Variants in ATRIP observed in about 807,000 individuals in gnomAD.
The protein encoded by ATRIP is ATR interacting protein, also known as ATR-interacting protein.
Under a neutral mutation model 78.1 loss-of-function variants are expected in ATRIP, and 44 were observed. That is an observed-to-expected ratio of 0.56 (90% CI 0.44 to 0.72). ATRIP has a LOEUF of 0.72. Among genes scored for constraint, ATRIP ranks in the 30% least tolerant of loss-of-function variants. The pLI, the probability that ATRIP is intolerant of heterozygous loss-of-function variation, is 0.00. For missense variants in ATRIP, 927 were observed against 980.2 expected (o/e 0.95, Z 0.72); for synonymous variants, 388 against 408.9 (o/e 0.95, Z 0.62).
rs1194505389 is a variant in ATRIP at position 48,457,297 on chromosome 3, C to T, written c.710C>T (p.Ala237Val). 1.9e-6 allele frequency: 3 copies of T among 1,603,018 alleles called. No individual in the cohort carries two copies. The highest frequency in any genetic ancestry group is 1.7e-6 in the Non-Finnish European group (2 of 1,175,530). ...KNPSVVIKPE[A>V]CSPQFGKTSF... is the part of the protein sequence containing the mutation. ...CCTTCTGTGGTTATAAAGCCAGAAG[C>T]ATGTTCTCCACAATTTGGAAAAACA... is the stretch of plus-strand genomic sequence containing the variant. The change falls in exon 5 of 13, where the codon GCA (alanine) becomes GTA (valine). Residue 237 changes from alanine (A) to valine (V), a missense_variant. Ala to Val is a moderately conservative substitution (Grantham distance 64, BLOSUM62 0). Coordinates refer to ENST00000320211, the MANE Select transcript of ATRIP (RefSeq NM_130384.3).
rs947277468 is a variant in ATRIP at position 48,447,051 on chromosome 3, A to T, written c.206A>T (p.Gln69Leu). 1 of 1,568,130 alleles carries T rather than the reference A, an allele frequency of 6.4e-7. No individual in the cohort carries two copies. Among genetic ancestry groups the T allele is most frequent in the African/African-American group, 1.4e-5 (1 of 71,242 alleles). The change falls in exon 1 of 13, where the codon CAG (glutamine) becomes CTG (leucine). Residue 69 changes from glutamine to leucine, a missense_variant. Coordinates refer to ENST00000320211, the MANE Select transcript of ATRIP (RefSeq NM_130384.3). ...DLEELDTLAS[Q>L]ALSQCPAAAR... is the part of the protein sequence containing the mutation. The stretch of plus-strand genomic sequence containing the variant: ...GAGGAGCTTGACACCCTCGCGTCAC[A>T]GGCCCTGAGCCAATGTCCGGCCGCG...
rs1207777932 is a variant in ATRIP at position 48,457,290 on chromosome 3, C to T, written c.703C>T (p.Pro235Ser). 1.9e-6 allele frequency: 3 copies of T among 1,598,028 alleles called. No homozygotes were observed. Among genetic ancestry groups the T allele is most frequent in the Non-Finnish European group, 1.7e-6 (2 of 1,173,422 alleles). ...PRKNPSVVIK[P>S]EACSPQFGKT... The stretch of plus-strand genomic sequence containing the variant: ...GAAAAACCCTTCTGTGGTTATAAAG[C>T]CAGAAGCATGTTCTCCACAATTTGG... Residue 235 changes from proline (P) to serine (S), a missense_variant, in exon 5 of 13, where the codon CCA becomes TCA. Physicochemically the swap from Pro to Ser is moderately conservative, Grantham distance 74. Transcript: ENST00000320211.
Position 48,447,070 on chromosome 3 carries a change from G to A in ATRIP, c.225G>A (p.Pro75=), listed in dbSNP as rs900301715. The A allele has an allele frequency of 5.8e-6, 9 of 1,561,886 alleles. No individual in the cohort carries two copies. Among genetic ancestry groups the A allele is most frequent in the Non-Finnish European group, 7.8e-6 (9 of 1,157,278 alleles). ...TLASQALSQC[P]AAARDVSSDH... Reference sequence around the variant, plus strand: ...CGTCACAGGCCCTGAGCCAATGTCCGGCCGCGGCTCGGGACGTGTCCAGTG... The same window carrying A: ...CGTCACAGGCCCTGAGCCAATGTCCAGCCGCGGCTCGGGACGTGTCCAGTG... Residue 75 remains proline, a synonymous_variant, in exon 1 of 13, where the codon CCG becomes CCA. Coordinates refer to ENST00000320211, the MANE Select transcript of ATRIP (RefSeq NM_130384.3).
chr3:48,467,126 T>C lies in ATRIP; in HGVS notation c.*1572T>C. The C allele has an allele frequency of 6.2e-7, 1 of 1,613,948 alleles. No homozygotes were observed. Among genetic ancestry groups the C allele is most frequent in the Non-Finnish European group, 8.5e-7 (1 of 1,180,008 alleles). On this transcript the variant is annotated 3_prime_UTR_variant, in exon 13 of 13. Transcript: ENST00000320211. ...GTGCCTTCTGTGTGGATAGCATCACTGCGCTGAAGGCCCTGGAGCGAGCAA... is the reference window on the plus strand; with the variant it reads ...GTGCCTTCTGTGTGGATAGCATCACCGCGCTGAAGGCCCTGGAGCGAGCAA...
chr3:48,466,184 C>G lies in ATRIP; in HGVS notation c.*630C>G. ...AGACCAGGCAGGCTGACGAGCAGGG[C>G]GGGCCTGGCTCACGTGGGCCTGTAG... On this transcript the variant is annotated 3_prime_UTR_variant, in exon 13 of 13. Coordinates refer to ENST00000320211, the MANE Select transcript of ATRIP (RefSeq NM_130384.3). The G allele has an allele frequency of 3.8e-6, 2 of 522,674 alleles. No individual in the cohort carries two copies. The allele number at this position is 522,674 out of a possible 1,614,324, so 32.4% of individuals were successfully genotyped here.
At chr3:48,459,737 G>A (rs370663461) in intron 6 of ATRIP, 50 bp from the exon 7 acceptor site, 76 of 1,592,796 alleles carry the variant, frequency 4.8e-5, no homozygotes, top group Non-Finnish European at 5.4e-5. Flanking sequence ...GAAAGCCACC[G>A]AAAAGATCTC....
At chr3:48,450,867 C>T (rs1250710720) in intron 2 of ATRIP, among the ~76,000 whole-genome samples, 1 of 151,784 alleles carries the variant, frequency 6.6e-6, no homozygotes, top group South Asian at 2.1e-4. Context: ...CCACACCCAG[C>T]GACCCAGATC....
At position 48,446,766 on chromosome 3, in the gene ATRIP, G is replaced by C. The variant is rs2039680982; in HGVS notation, c.-80G>C. 6.0e-6 allele frequency: 8 copies of C among 1,324,136 alleles called. No homozygotes were observed. The highest frequency in any genetic ancestry group is 3.1e-5 in the Admixed American group (1 of 32,192). The allele number at this position is 1,324,136 out of a possible 1,614,324, so 82.0% of individuals were successfully genotyped here. On this transcript the variant is annotated 5_prime_UTR_variant, in exon 1 of 13. Coordinates refer to ENST00000320211, the MANE Select transcript of ATRIP (RefSeq NM_130384.3). The stretch of plus-strand genomic sequence containing the variant: ...GCGGCGGAGGCAAGCGGCGGCGCGC[G>C]GACGGTTGGTCCAGTTCTCCGGCCT...
intron 4 of ATRIP, among the ~76,000 whole-genome samples, chr3:48,455,995 C>A (rs998430625): frequency 1.3e-5 from 2 of 152,076 alleles, no homozygotes; most frequent in African/African-American, 4.8e-5. Context: ...GTGGCATGCG[C>A]CTGTAATCCC....
intron 4 of ATRIP, among the ~76,000 whole-genome samples, chr3:48,456,018 G>T (rs2039947188): frequency 6.6e-6 from 1 of 151,844 alleles, no homozygotes; most frequent in Non-Finnish European, 1.5e-5. Flanking sequence ...CTATTTGGGA[G>T]GCTGAGGCAG....
Position 48,465,825 on chromosome 3 carries a change from C to T in ATRIP, c.*271C>T, listed in dbSNP as rs1447224662. The T allele has an allele frequency of 2.4e-6, 1 of 415,514 alleles. No homozygotes were observed. Among genetic ancestry groups the T allele is most frequent in the African/African-American group, 2.1e-5 (1 of 47,274 alleles). 25.7% of individuals were successfully genotyped at this position (415,514 alleles called of 1,614,324 possible). A position where few individuals can be genotyped will look rare whatever the true frequency, so the allele number is the denominator to read the frequency against. On this transcript the variant is annotated 3_prime_UTR_variant, in exon 13 of 13. Coordinates refer to ENST00000320211, the MANE Select transcript of ATRIP (RefSeq NM_130384.3). ...AGCCCTGCCCTGCCTGTGGAATTGT[C>T]CTGAGTCATTGCTTTGGGCTGGGGC... is the stretch of plus-strand genomic sequence containing the variant.
rs138467436 is a variant in ATRIP, at chr3:48,464,149, C to T, written c.1974+17C>T. 7.2e-4 allele frequency: 1,134 copies of T among 1,580,930 alleles called. 11 individuals are homozygous for T. The African/African-American group carries it at 0.014, about 19-fold the overall frequency. ...GAACAAGAGGTAAAAACTCCAGAGC[C>T]CCTTCTGGACACTGTCCCCACCCCA... is the stretch of plus-strand genomic sequence containing the variant. On this transcript the variant is annotated intron_variant, in intron 10 of 12. Coordinates refer to ENST00000320211, the MANE Select transcript of ATRIP (RefSeq NM_130384.3).
At position 48,466,434 on chromosome 3, in the gene ATRIP, G is replaced by T; in HGVS notation, c.*880G>T. The T allele has an allele frequency of 4.3e-6, 7 of 1,612,016 alleles. No homozygotes were observed. The highest frequency in any genetic ancestry group is 5.9e-6 in the Non-Finnish European group (7 of 1,179,202). ...AAGAGGGAGACCCTCTCAGACAGTC[G>T]AATGTGCTGGTCCCACTAAGGAAAC... On this transcript the variant is annotated 3_prime_UTR_variant, in exon 13 of 13. Transcript: ENST00000320211.
intron 1 of ATRIP, among the ~76,000 whole-genome samples, chr3:48,448,590 T>A (rs2039748300): frequency 1.3e-5 from 2 of 152,272 alleles, no homozygotes; most frequent in South Asian, 4.1e-4. Flanking sequence ...CCTTTCTCAC[T>A]CTCTGGGTCC....
chr3:48,453,406 T>TTTGCGGTCATCC (rs1391314804), intron 3 of ATRIP, among the ~76,000 whole-genome samples: 1 of 152,174 alleles, frequency 6.6e-6, no homozygotes, highest in East Asian at 1.9e-4. Context: ...GAGCAAGGAA[T>TTTGCGGTCATCC]TTGCGGTCAG....
chr3:48,452,025 T>G (rs894108063), intron 3 of ATRIP, 126 bp downstream of exon 3: 8 of 921,748 alleles, frequency 8.7e-6, no homozygotes, highest in Admixed American at 5.4e-5. Flanking sequence ...TGCTATCATC[T>G]CATTGCCATC....
chr3:48,450,055 GATT>G lies in ATRIP; in HGVS notation c.271_273del (p.Leu91del). The G allele has an allele frequency of 6.2e-7, 1 of 1,613,390 alleles. No individual in the cohort carries two copies. The highest frequency in any genetic ancestry group is 1.1e-5 in the South Asian group (1 of 90,796). On this transcript the variant is annotated inframe_deletion, in exon 2 of 13. Transcript: ENST00000320211. ...TTTACAGGTGATCATAAGGTCCACAGATTATTAGATGGCATGTCAAAAAATCCT... is the reference window on the plus strand; with the variant it reads ...TTTACAGGTGATCATAAGGTCCACAGATTAGATGGCATGTCAAAAAATCCT...
Position 48,459,368 on chromosome 3 carries a change from C to T in ATRIP, c.839C>T (p.Pro280Leu), listed in dbSNP as rs17851113. ...TTTTATCACATTTCAGATAGTAAGC[C>T]CCACAGTCTGAGAGGTGACTCCATA... is the stretch of plus-strand genomic sequence containing the variant. ...KPLVGREDSK[P>L]HSLRGDSIKQ... is the part of the protein sequence containing the mutation. The change falls in exon 6 of 13, where the codon CCC (proline) becomes CTC (leucine). Residue 280 changes from proline (P) to leucine (L), a missense_variant. By Grantham distance (98) the Pro-to-Leu change is moderately conservative (BLOSUM62 -3). Transcript: ENST00000320211. The T allele has an allele frequency of 5.0e-6, 8 of 1,613,646 alleles. No individual in the cohort carries two copies. The highest frequency in any genetic ancestry group is 6.8e-6 in the Non-Finnish European group (8 of 1,179,792).
chr3:48,467,469 G>T lies in ATRIP; in HGVS notation c.*1915G>T. The T allele has an allele frequency of 6.2e-7, 1 of 1,614,170 alleles. No homozygotes were observed. Among genetic ancestry groups the T allele is most frequent in the Non-Finnish European group, 8.5e-7 (1 of 1,180,032 alleles). On this transcript the variant is annotated 3_prime_UTR_variant, in exon 13 of 13. Coordinates refer to ENST00000320211, the MANE Select transcript of ATRIP (RefSeq NM_130384.3). Reference sequence around the variant, plus strand: ...CCTTGGAGAGAGCAGGGGTACCAAGGATCTTCCTCCAGTGAAGGACCCTGG... The same window carrying T: ...CCTTGGAGAGAGCAGGGGTACCAAGTATCTTCCTCCAGTGAAGGACCCTGG...
Sources: allele counts gnomAD v4.1 joint callset (sites outside exome capture counted in the v4.1 genomes callset), GRCh38; gene constraint gnomAD v4.1.1; transcripts MANE v1.5; gene names NCBI Gene and HGNC (gene_info 2026-07-23, HGNC 2026-07-21).